CADPS2: variants seen among roughly 807,000 people sequenced by gnomAD.
CADPS2 encodes calcium-dependent secretion activator 2.
Under a neutral mutation model 172.5 loss-of-function variants are expected in CADPS2, and 93 were observed. The ratio of observed to expected loss-of-function variants is 0.54; its 90% confidence interval spans 0.46 to 0.64. The LOEUF is 0.64. CADPS2 is among the 30% of genes least tolerant of loss of function. The pLI, the probability that CADPS2 is intolerant of heterozygous loss-of-function variation, is 0.00. For missense variants in CADPS2, 1,420 were observed against 1,565.9 expected (o/e 0.91, Z 1.57); for synonymous variants, 546 against 555.2 (o/e 0.98, Z 0.23).
chr7:122,528,424 T>G (rs928314642), intron 8 of CADPS2, among the ~76,000 whole-genome samples: 5 of 152,152 alleles, frequency 3.3e-5, no homozygotes, highest in Admixed American at 2.6e-4. Flanking sequence ...CAGAATTTCT[T>G]AAGTTCTTAA....
intron 1 of CADPS2, among the ~76,000 whole-genome samples, chr7:122,755,524 G>C (rs1426129561): frequency 6.6e-6 from 1 of 152,132 alleles, no homozygotes; most frequent in African/African-American, 2.4e-5. Context: ...AATGAAGACA[G>C]AGCTGTCAGA....
chr7:122,541,513 G>GTT (rs113969612), intron 8 of CADPS2, among the ~76,000 whole-genome samples: 36 of 136,624 alleles, frequency 2.6e-4, no homozygotes, highest in African/African-American at 8.5e-4. Context: ...GCCAATTTTT[G>GTT]TTTTTTTTTT....
intron 9 of CADPS2, among the ~76,000 whole-genome samples, chr7:122,497,539 T>C (rs937812726): frequency 1.3e-5 from 2 of 152,144 alleles, no homozygotes; most frequent in African/African-American, 4.8e-5. Flanking sequence ...CCATTACCCA[T>C]TCCCATCTGT....
At chr7:122,850,052 A>C in intron 1 of CADPS2, 1 of 1,315,620 alleles carries the variant, frequency 7.6e-7, no homozygotes, top group South Asian at 1.7e-5. Flanking sequence ...TTGATGATGA[A>C]GACCTGGGGG....
intron 1 of CADPS2, among the ~76,000 whole-genome samples, chr7:122,813,070 T>C (rs1800439975): frequency 6.6e-6 from 1 of 152,128 alleles, no homozygotes; most frequent in Non-Finnish European, 1.5e-5. Context: ...CCTATCACTT[T>C]CCATTCTTCT....
intron 2 of CADPS2, among the ~76,000 whole-genome samples, chr7:122,704,569 T>A (rs746641335): frequency 1.3e-5 from 2 of 152,136 alleles, no homozygotes; most frequent in African/African-American, 4.8e-5. Flanking sequence ...AACCTGTAAC[T>A]ATATTTTGCT....
intron 1 of CADPS2, among the ~76,000 whole-genome samples, chr7:122,787,491 C>T (rs1301292124): frequency 6.6e-6 from 1 of 152,172 alleles, no homozygotes; most frequent in Admixed American, 6.5e-5. Flanking sequence ...AATTATTCAA[C>T]TTCAAAGGGA....
intron 14 of CADPS2, 121 bp downstream of exon 14, chr7:122,471,254 T>TA: frequency 1.6e-6 from 1 of 643,504 alleles, no homozygotes. Flanking sequence ...TTTTTTTTTT[T>TA]CCTTGTAAGA....
chr7:122,720,810 G>A lies in CADPS2; in HGVS notation c.453+16145C>T, dbSNP rs1468715113. ...TAGAAACAACGATGAGAGTTAACAA[G>A]TAGAATTGATTATTGCTGTTTGAAT... On this transcript the variant is annotated intron_variant, in intron 2 of 29. Transcript: ENST00000449022. Among the ~76,000 whole-genome samples, 3 of 151,950 alleles carry A rather than the reference G, an allele frequency of 2.0e-5. No homozygotes were observed. The East Asian group carries it at 5.8e-4, about 29-fold the overall frequency.
At chr7:122,335,822 G>A (rs549422447) in intron 28 of CADPS2, among the ~76,000 whole-genome samples, 2 of 152,308 alleles carry the variant, frequency 1.3e-5, no homozygotes, top group Non-Finnish European at 2.9e-5. Context: ...GAGTAGACAA[G>A]TATGACAGGT....
Position 122,435,955 on chromosome 7 carries a change from T to C in CADPS2, c.2476+2386A>G, listed in dbSNP as rs1003920097. Among the ~76,000 whole-genome samples, 6 of 152,078 alleles carry C rather than the reference T, an allele frequency of 3.9e-5. No homozygotes were observed. In the East Asian group the frequency reaches 7.7e-4, roughly 20 times the overall value. On this transcript the variant is annotated intron_variant, in intron 17 of 29. Transcript: ENST00000449022. Reference sequence around the variant, plus strand: ...AAGCAGAGAGTAGAACAGTCACTGCTAGGGGCTGGGAGAAGAGAACATGAA... The same window carrying C: ...AAGCAGAGAGTAGAACAGTCACTGCCAGGGGCTGGGAGAAGAGAACATGAA...
intron 8 of CADPS2, among the ~76,000 whole-genome samples, chr7:122,535,798 T>G (rs952184353): frequency 6.6e-6 from 1 of 152,142 alleles, no homozygotes; most frequent in Non-Finnish European, 1.5e-5. Flanking sequence ...AAGTGACTTG[T>G]GTCTCTTGGG....
intron 6 of CADPS2, among the ~76,000 whole-genome samples, chr7:122,594,825 CAAAT>C (rs1323449118): frequency 6.6e-6 from 1 of 151,458 alleles, no homozygotes; most frequent in Non-Finnish European, 1.5e-5. Flanking sequence ...ATGTGACAAA[CAAAT>C]AATGTACAAA....
At chr7:122,338,439 C>A (rs2036246156) in intron 28 of CADPS2, among the ~76,000 whole-genome samples, 1 of 151,972 alleles carries the variant, frequency 6.6e-6, no homozygotes, top group African/African-American at 2.4e-5. Flanking sequence ...AATAAGTAAC[C>A]TCAAACAGCC....
Position 122,353,873 on chromosome 7 carries a change from T to A in CADPS2, c.3504+6915A>T, listed in dbSNP as rs1486211075. On this transcript the variant is annotated intron_variant, in intron 27 of 29. Transcript: ENST00000449022. ...ACTTGTTTTTAGTCATTGTTCCTAG[T>A]CCTATCTTCTTGACTGATACAGGCT... is the stretch of plus-strand genomic sequence containing the variant. Among the ~76,000 whole-genome samples the A allele has an allele frequency of 4.6e-5, 7 of 152,322 alleles. No homozygotes were observed. In the East Asian group the frequency reaches 1.4e-3, roughly 29 times the overall value.
rs570270335 is a variant in CADPS2 at position 122,820,827 on chromosome 7, G to T, written c.339+65172C>A. 5.8e-5 allele frequency among the ~76,000 whole-genome samples: 8 copies of T among 138,450 alleles called. 2 individuals are homozygous for T. Among genetic ancestry groups the T allele is most frequent in the Non-Finnish European group, 9.3e-5 (6 of 64,280 alleles). 90.8% of individuals were successfully genotyped at this position (138,450 alleles called of 152,430 possible). On this transcript the variant is annotated intron_variant, in intron 1 of 29. Coordinates refer to ENST00000449022, the MANE Select transcript of CADPS2 (RefSeq NM_017954.11). ...GCCCGCCTCGGCCTCCCAAAGTGCTGGGATTACAGGCGTGAGCCACCGCGC... is the reference window on the plus strand; with the variant it reads ...GCCCGCCTCGGCCTCCCAAAGTGCTTGGATTACAGGCGTGAGCCACCGCGC...
chr7:122,635,761 C>T (rs1315635729), intron 3 of CADPS2, among the ~76,000 whole-genome samples: 2 of 151,998 alleles, frequency 1.3e-5, no homozygotes, highest in Non-Finnish European at 2.9e-5. Context: ...CAAGAAGAAC[C>T]CATTTTATGA....
intron 20 of CADPS2, among the ~76,000 whole-genome samples, chr7:122,402,336 G>C (rs2046055399): frequency 6.6e-6 from 1 of 152,100 alleles, no homozygotes; most frequent in South Asian, 2.1e-4. Flanking sequence ...ACAATGAAAT[G>C]AGACTGAACT....
At chr7:122,452,004 G>A (rs1056765448) in intron 14 of CADPS2, among the ~76,000 whole-genome samples, 1 of 152,052 alleles carries the variant, frequency 6.6e-6, no homozygotes, top group Admixed American at 6.6e-5. Context: ...ATAAATATTA[G>A]AATTAAAATA....
Sources: gnomAD v4.1 joint callset for allele counts (sites outside exome capture counted in the v4.1 genomes callset) on GRCh38, gnomAD v4.1.1 for gene constraint, MANE v1.5 for transcripts, NCBI Gene and HGNC (gene_info 2026-07-23, HGNC 2026-07-21) for gene names.